LYPD6B: variants seen among roughly 807,000 people sequenced by gnomAD.
LYPD6B encodes LY6/PLAUR domain containing 6B, also known as ly6/PLAUR domain-containing protein 6B.
LYPD6B carries 17 observed loss-of-function variants against 22.8 expected under a neutral mutation model. The ratio of observed to expected loss-of-function variants is 0.75; its 90% CI spans 0.51 to 1.12. The LOEUF (loss-of-function observed/expected upper bound fraction) is 1.12. Ranked by LOEUF, LYPD6B falls within the 50% of genes most tolerant of loss-of-function variation. The probability of loss-of-function intolerance (pLI) is 0.00; values close to 1 mark genes in which losing one functional copy is unlikely to be tolerated. For missense variants in LYPD6B, 221 were observed against 258.3 expected (o/e 0.86, Z 0.99); for synonymous variants, 106 against 91.6 (o/e 1.16, Z -0.90).
chr2:149,066,091 A>G (rs1335074203), intron 1 of LYPD6B, among the ~76,000 whole-genome samples: 1 of 151,902 alleles, frequency 6.6e-6, no homozygotes, highest in African/African-American at 2.4e-5. Flanking sequence ...ATTGGGCAGT[A>G]CCAGTTTTGG....
At chr2:149,129,668 A>G (rs16826589) in intron 1 of LYPD6B, among the ~76,000 whole-genome samples, 42,083 of 152,158 alleles carry the variant, frequency 0.28, 6,423 homozygotes, top group East Asian at 0.54. Flanking sequence ...TAGAGTTATA[A>G]TGCTTTTCCT....
rs189514557 is a variant in LYPD6B at position 149,104,609 on chromosome 2, T to C, written c.-66-26274T>C. On this transcript the variant is annotated intron_variant, in intron 1 of 6. Transcript: ENST00000409642. ...GTTTTGAGCATTCTTATATATTCTG[T>C]ATGCAAATTCTCTATCAGATAGATA... is the stretch of plus-strand genomic sequence containing the variant. 2.0e-5 allele frequency among the ~76,000 whole-genome samples: 3 copies of C among 152,356 alleles called. No individual in the cohort carries two copies. In the East Asian group the frequency reaches 5.8e-4, roughly 29 times the overall value.
chr2:149,151,840 C>A (rs1559035266), intron 2 of LYPD6B, among the ~76,000 whole-genome samples: 1 of 152,162 alleles, frequency 6.6e-6, no homozygotes, highest in Non-Finnish European at 1.5e-5. Context: ...CACACCTCAG[C>A]TCCAAAGCCT....
At chr2:149,131,670 GCAC>G (rs1688038862) in intron 2 of LYPD6B, 1 of 152,154 alleles carries the variant, frequency 6.6e-6, no homozygotes, top group African/African-American at 2.4e-5. Context: ...TGGTTGGTCA[GCAC>G]CACTTCTCTC....
intron 2 of LYPD6B, among the ~76,000 whole-genome samples, chr2:149,138,613 C>T (rs1688505047): frequency 6.6e-6 from 1 of 152,190 alleles, no homozygotes; most frequent in Admixed American, 6.5e-5. Flanking sequence ...ATGATTATAG[C>T]TCACTGTATC....
At position 149,208,384 on chromosome 2, in the gene LYPD6B, A is replaced by T; in HGVS notation, c.300A>T (p.Arg100=). The change falls in exon 5 of 7, where the codon CGA becomes CGT. Residue 100 remains arginine, a synonymous_variant. Transcript: ENST00000409642. The stretch of plus-strand genomic sequence containing the variant: ...CAGGGGATAATTATAACTGCAATCG[A>T]TGGGCAGAAGACAAATGGTGTCCAC... ...ENAGDNYNCN[R]WAEDKWCPQN... The T allele has an allele frequency of 6.2e-7, 1 of 1,613,690 alleles. No homozygotes were observed. The highest frequency in any genetic ancestry group is 8.5e-7 in the Non-Finnish European group (1 of 1,179,636).
chr2:149,105,750 T>C (rs1686442451), intron 1 of LYPD6B, among the ~76,000 whole-genome samples: 1 of 152,132 alleles, frequency 6.6e-6, no homozygotes, highest in Non-Finnish European at 1.5e-5. Flanking sequence ...CATGCTCCAA[T>C]AAAGATAGTT....
At chr2:149,155,620 T>C (rs1306662969) in intron 2 of LYPD6B, among the ~76,000 whole-genome samples, 1 of 152,238 alleles carries the variant, frequency 6.6e-6, no homozygotes, top group Non-Finnish European at 1.5e-5. Context: ...GGGAGTCTAA[T>C]GGATCTGGAA....
intron 1 of LYPD6B, among the ~76,000 whole-genome samples, chr2:149,055,641 G>A (rs577040589): frequency 6.6e-6 from 1 of 152,264 alleles, no homozygotes; most frequent in South Asian, 2.1e-4. Flanking sequence ...CTGATGCAGT[G>A]TAATGACATT....
intron 3 of LYPD6B, among the ~76,000 whole-genome samples, chr2:149,167,579 G>C (rs1277895064): frequency 6.6e-6 from 1 of 152,124 alleles, no homozygotes; most frequent in Non-Finnish European, 1.5e-5. Flanking sequence ...TGGGACAGTG[G>C]GGGAGCAGGC....
intron 1 of LYPD6B, among the ~76,000 whole-genome samples, chr2:149,075,408 G>C (rs1684837174): frequency 6.6e-6 from 1 of 152,178 alleles, no homozygotes; most frequent in African/African-American, 2.4e-5. Context: ...TTTGCAGTGT[G>C]TATATTTTAC....
intron 1 of LYPD6B, among the ~76,000 whole-genome samples, chr2:149,088,290 T>C (rs1200285621): frequency 6.6e-6 from 1 of 152,176 alleles, no homozygotes; most frequent in African/African-American, 2.4e-5. Context: ...AGGGATGTTT[T>C]CTTAATTGCT....
intron 3 of LYPD6B, among the ~76,000 whole-genome samples, chr2:149,203,891 T>C (rs114684024): frequency 2.0e-3 from 299 of 152,334 alleles, no homozygotes; most frequent in African/African-American, 6.9e-3. Context: ...GCAAAATCAG[T>C]ATACCCACAA....
At position 149,177,779 on chromosome 2, in the gene LYPD6B, G is replaced by C. The variant is rs116602547; in HGVS notation, c.77+16944G>C. Among the ~76,000 whole-genome samples the C allele has an allele frequency of 7.9e-3, 1,198 of 151,588 alleles. 8 individuals carry two copies. Among genetic ancestry groups the C allele is most frequent in the South Asian group, 0.013 (63 of 4,790 alleles). On this transcript the variant is annotated intron_variant, in intron 3 of 6. Coordinates refer to ENST00000409642, the MANE Select transcript of LYPD6B (RefSeq NM_177964.5). ...CACGAAATCTGCTGCCCAAACAAGA[G>C]AGCTCAAACTGCATCTTCTCCTTAC...
chr2:149,079,767 G>C (rs1219966789), intron 1 of LYPD6B, among the ~76,000 whole-genome samples: 1 of 152,092 alleles, frequency 6.6e-6, no homozygotes, highest in Non-Finnish European at 1.5e-5. Flanking sequence ...GCATCTTCCG[G>C]GATGTGCTTT....
At chr2:149,192,969 C>T (rs1016553458) in intron 3 of LYPD6B, among the ~76,000 whole-genome samples, 2 of 152,072 alleles carry the variant, frequency 1.3e-5, no homozygotes, top group Non-Finnish European at 2.9e-5. Flanking sequence ...AGTACATGTG[C>T]TGTGCTCGCT....
intron 1 of LYPD6B, among the ~76,000 whole-genome samples, chr2:149,087,243 C>T: frequency 6.6e-6 from 1 of 152,264 alleles, no homozygotes; most frequent in Non-Finnish European, 1.5e-5. Context: ...CTTCTCCCTT[C>T]CCCTGAAGAA....
chr2:149,148,986 G>A (rs442245), intron 2 of LYPD6B, among the ~76,000 whole-genome samples: 98,712 of 151,922 alleles, frequency 0.65, 32,234 homozygotes, highest in South Asian at 0.76. Flanking sequence ...TGCTGTGTAC[G>A]AGGGAGAGTA....
At chr2:149,069,665 T>C (rs1684507059) in intron 1 of LYPD6B, among the ~76,000 whole-genome samples, 1 of 152,086 alleles carries the variant, frequency 6.6e-6, no homozygotes, top group Admixed American at 6.6e-5. Flanking sequence ...AAAGTCCCTG[T>C]GGTAAATTTC....
Sources: allele counts gnomAD v4.1 joint callset (sites outside exome capture counted in the v4.1 genomes callset), GRCh38; gene constraint gnomAD v4.1.1; transcripts MANE v1.5; gene names NCBI Gene and HGNC (gene_info 2026-07-23, HGNC 2026-07-21).